WWOX: variants seen among roughly 807,000 people sequenced by gnomAD.
WWOX encodes WW domain containing oxidoreductase, also known as WW domain-containing oxidoreductase.
Under a neutral mutation model 46.2 loss-of-function variants are expected in WWOX, and 69 were observed. The ratio of observed to expected loss-of-function variants is 1.49; its 90% CI spans 1.23 to 1.82. The LOEUF (loss-of-function observed/expected upper bound fraction) is 1.82, where lower values mean the gene tolerates loss of function less well. Ranked by LOEUF, WWOX falls within the 40% of genes most tolerant of loss-of-function variation. The pLI is 0.00. For missense variants in WWOX, 919 were observed against 542.6 expected (o/e 1.69, Z -6.89); for synonymous variants, 359 against 202.6 (o/e 1.77, Z -6.56).
rs141847945 is a variant in WWOX, at chr16:78,762,987, C to T, written c.1056+330235C>T. Among the ~76,000 whole-genome samples, 257 of 152,190 alleles carry T rather than the reference C, an allele frequency of 1.7e-3. 1 individual carries two copies. Among genetic ancestry groups the T allele is most frequent in the African/African-American group, 5.7e-3 (237 of 41,510 alleles). ...GGGAAGATTTTCCTGGTGGGGGGAC[C>T]AGATGAGCAATAGATCTCCATATGC... On this transcript the variant is annotated intron_variant, in intron 8 of 8. Transcript: ENST00000566780.
At chr16:78,314,688 GTTTT>G (rs375905643) in intron 5 of WWOX, among the ~76,000 whole-genome samples, 2 of 90,512 alleles carry the variant, frequency 2.2e-5, no homozygotes, top group South Asian at 4.6e-4. Context: ...CCCTGCAGGG[GTTTT>G]TTTTTTTTGT....
chr16:78,883,736 GAAA>G (rs964880157), intron 8 of WWOX, among the ~76,000 whole-genome samples: 8 of 147,352 alleles, frequency 5.4e-5, no homozygotes, highest in Non-Finnish European at 9.0e-5. Context: ...AAAAAAAAAA[GAAA>G]AAAAAAGTAA....
At position 78,164,437 on chromosome 16, in the gene WWOX, G is replaced by C. The variant is rs1471198099; in HGVS notation, c.516+148G>C. 3 of 765,850 alleles carry C rather than the reference G, an allele frequency of 3.9e-6. No individual in the cohort carries two copies. The East Asian group carries it at 8.1e-5, about 21-fold the overall frequency. 47.4% of individuals were successfully genotyped at this position (765,850 alleles called of 1,614,324 possible). A position where few individuals can be genotyped will look rare whatever the true frequency, so the allele number is the denominator to read the frequency against. ...GTCATCTTCACTTTGTTTGTCTTAT[G>C]AATGAAAGCATGAGCAAGTCCATTA... On this transcript the variant is annotated intron_variant, in intron 5 of 8. Transcript: ENST00000566780.
intron 4 of WWOX, chr16:78,145,855 C>G (rs1239759690): frequency 6.6e-6 from 1 of 152,196 alleles, no homozygotes; most frequent in Admixed American, 6.5e-5. Context: ...GCCCCATCTC[C>G]AGATGCAGTC....
chr16:78,537,967 AG>A (rs1350638395), intron 8 of WWOX, among the ~76,000 whole-genome samples: 1 of 152,144 alleles, frequency 6.6e-6, no homozygotes, highest in African/African-American at 2.4e-5. Flanking sequence ...GCTGATAATC[AG>A]TAAATGAAAT....
intron 5 of WWOX, among the ~76,000 whole-genome samples, chr16:78,261,776 C>A (rs60146598): frequency 0.055 from 2,063 of 37,760 alleles, 56 homozygotes; most frequent in Middle Eastern, 0.18. Flanking sequence ...ATCTATGTAT[C>A]TATCTATCTA....
chr16:78,107,128 G>T (rs999575729), intron 1 of WWOX, among the ~76,000 whole-genome samples: 4 of 152,148 alleles, frequency 2.6e-5, no homozygotes, highest in Admixed American at 2.0e-4. Flanking sequence ...TTATCATCTA[G>T]ATGTTGCTGA....
Position 79,196,402 on chromosome 16 carries a change from C to T in WWOX, c.1057-15206C>T, listed in dbSNP as rs1339581907. 3.9e-5 allele frequency: 6 copies of T among 152,062 alleles called. No homozygotes were observed. In the South Asian group the frequency reaches 6.2e-4, roughly 16 times the overall value. 9.4% of individuals were successfully genotyped at this position (152,062 alleles called of 1,614,324 possible). On this transcript the variant is annotated intron_variant, in intron 8 of 8. Transcript: ENST00000566780. The stretch of plus-strand genomic sequence containing the variant: ...GGTTTGGGTTTATACCAGTTTGAAC[C>T]GAGGGACCTTCAGCTGAGGAACATG...
At chr16:78,774,620 T>C (rs1001283850) in intron 8 of WWOX, among the ~76,000 whole-genome samples, 1 of 151,818 alleles carries the variant, frequency 6.6e-6, no homozygotes, top group African/African-American at 2.4e-5. Context: ...TCCTGGCACA[T>C]GGCGTTGTTC....
chr16:78,628,591 G>A (rs1033985189), intron 8 of WWOX, among the ~76,000 whole-genome samples: 5 of 152,068 alleles, frequency 3.3e-5, no homozygotes, highest in African/African-American at 4.8e-5. Context: ...AATAAGCACT[G>A]AGATGCCTGT....
intron 8 of WWOX, among the ~76,000 whole-genome samples, chr16:78,589,753 T>C (rs1262691291): frequency 6.6e-6 from 1 of 152,200 alleles, no homozygotes; most frequent in Non-Finnish European, 1.5e-5. Context: ...TCTTTTGGTT[T>C]CTTCTCATTT....
At chr16:78,962,404 G>T (rs1181923014) in intron 8 of WWOX, among the ~76,000 whole-genome samples, 1 of 149,630 alleles carries the variant, frequency 6.7e-6, no homozygotes, top group African/African-American at 2.5e-5. Flanking sequence ...GGGCTAGGAG[G>T]CTGAGGAGTT....
At chr16:78,989,615 G>A (rs964669967) in intron 8 of WWOX, among the ~76,000 whole-genome samples, 3 of 152,302 alleles carry the variant, frequency 2.0e-5, no homozygotes, top group African/African-American at 7.2e-5. Flanking sequence ...CTGAGACTGA[G>A]CAGTCTTGTG....
Position 78,648,556 on chromosome 16 carries a change from C to T in WWOX, c.1056+215804C>T, listed in dbSNP as rs77853420. ...AGCAGTCAACTCAGAATGGTCAGGA[C>T]TTGGTCAGTAATGCCCATTTTTGCT... is the stretch of plus-strand genomic sequence containing the variant. On this transcript the variant is annotated intron_variant, in intron 8 of 8. Coordinates refer to ENST00000566780, the MANE Select transcript of WWOX (RefSeq NM_016373.4). 4.6e-5 allele frequency among the ~76,000 whole-genome samples: 7 copies of T among 152,292 alleles called. No homozygotes were observed. In the East Asian group the frequency reaches 1.4e-3, roughly 29 times the overall value.
chr16:78,824,706 A>G (rs530852932), intron 8 of WWOX, among the ~76,000 whole-genome samples: 13 of 152,270 alleles, frequency 8.5e-5, no homozygotes, highest in African/African-American at 3.1e-4. Context: ...TGTGACACTT[A>G]TTCACTATCA....
Position 78,860,974 on chromosome 16 carries a change from C to T in WWOX, c.1057-350634C>T, listed in dbSNP as rs1406251193. Among the ~76,000 whole-genome samples, 7 of 152,094 alleles carry T rather than the reference C, an allele frequency of 4.6e-5. No individual in the cohort carries two copies. The East Asian group carries it at 1.2e-3, about 25-fold the overall frequency. ...GGGACTACAGGCGCATGCCGTAACT[C>T]GCAACTAATTTTTTGTATTTTTTTT... On this transcript the variant is annotated intron_variant, in intron 8 of 8. Coordinates refer to ENST00000566780, the MANE Select transcript of WWOX (RefSeq NM_016373.4).
At chr16:78,516,626 G>A (rs1311878274) in intron 8 of WWOX, among the ~76,000 whole-genome samples, 4 of 152,050 alleles carry the variant, frequency 2.6e-5, no homozygotes, top group African/African-American at 4.8e-5. Flanking sequence ...CATTTTGCAC[G>A]TGTATTGTCT....
At chr16:78,392,051 G>C (rs929611787) in intron 6 of WWOX, among the ~76,000 whole-genome samples, 97 of 151,734 alleles carry the variant, frequency 6.4e-4, no homozygotes, top group African/African-American at 2.1e-3. Context: ...TAAGGGACCA[G>C]GGTGTTCTCT....
chr16:79,040,542 C>T (rs547599760), intron 8 of WWOX, among the ~76,000 whole-genome samples: 1 of 152,242 alleles, frequency 6.6e-6, no homozygotes, highest in East Asian at 1.9e-4. Flanking sequence ...CCACAAAGTG[C>T]TGGGCTTACA....
Sources: allele counts gnomAD v4.1 joint callset (sites outside exome capture counted in the v4.1 genomes callset), GRCh38; gene constraint gnomAD v4.1.1; transcripts MANE v1.5; gene names NCBI Gene and HGNC (gene_info 2026-07-23, HGNC 2026-07-21).